CSNK2A2IP: variants seen among roughly 807,000 people sequenced by gnomAD.
The protein encoded by CSNK2A2IP is casein kinase II subunit alpha'-interacting protein.
the CSNK2A2IP span, among the ~76,000 whole-genome samples, chr3:88,411,876 G>C: frequency 6.6e-6 from 1 of 150,758 alleles, no homozygotes; most frequent in African/African-American, 2.4e-5. Flanking sequence ...AAATATTTTA[G>C]AAAGGTCAGC....
chr3:88,422,350 C>T, the CSNK2A2IP span, among the ~76,000 whole-genome samples: 3 of 152,100 alleles, frequency 2.0e-5, no homozygotes, highest in Non-Finnish European at 4.4e-5. Context: ...TGACTTACTG[C>T]TTATTATCTG....
chr3:88,376,455 C>T, the CSNK2A2IP span, among the ~76,000 whole-genome samples: 17 of 151,548 alleles, frequency 1.1e-4, no homozygotes, highest in Admixed American at 6.6e-5. Context: ...AGATCTTCAC[C>T]TATCTTCATC....
At chr3:88,422,243 A>G in the CSNK2A2IP span, among the ~76,000 whole-genome samples, 3 of 152,214 alleles carry the variant, frequency 2.0e-5, no homozygotes, top group South Asian at 2.1e-4. Context: ...AACTTCTAGG[A>G]TGGAAATGTA....
chr3:88,439,075 G>A, the CSNK2A2IP span, among the ~76,000 whole-genome samples: 3 of 152,010 alleles, frequency 2.0e-5, no homozygotes, highest in African/African-American at 4.8e-5. Context: ...AGTCCTCTCC[G>A]AGATATGACA....
the CSNK2A2IP span, among the ~76,000 whole-genome samples, chr3:88,356,385 A>T: frequency 6.6e-6 from 1 of 152,134 alleles, no homozygotes; most frequent in South Asian, 2.1e-4. Flanking sequence ...TTCACTTAGC[A>T]TAATGACCTC....
At chr3:88,363,749 G>A in the CSNK2A2IP span, among the ~76,000 whole-genome samples, 6 of 152,252 alleles carry the variant, frequency 3.9e-5, no homozygotes, top group Middle Eastern at 3.4e-3. Context: ...CTTGTTCACT[G>A]GGTTTCAGTT....
At chr3:88,466,016 C>T in the CSNK2A2IP span, 1 of 1,231,560 alleles carries the variant, frequency 8.1e-7, no homozygotes, top group Non-Finnish European at 1.0e-6. Context: ...CAATCCAAAC[C>T]TCAGAAAACA....
At chr3:88,399,200 T>C in the CSNK2A2IP span, among the ~76,000 whole-genome samples, 176 of 152,302 alleles carry the variant, frequency 1.2e-3, no homozygotes, top group Non-Finnish European at 1.4e-3. Context: ...TTTGCAAATA[T>C]TATGTTATTG....
At chr3:88,465,557 G>T in the CSNK2A2IP span, 6 of 1,231,718 alleles carry the variant, frequency 4.9e-6, no homozygotes, top group Non-Finnish European at 6.1e-6. Context: ...GTCCAGAGAT[G>T]CTCAGTATTG....
chr3:88,453,949 A>C, the CSNK2A2IP span, among the ~76,000 whole-genome samples: 437 of 152,196 alleles, frequency 2.9e-3, 2 homozygotes, highest in African/African-American at 9.8e-3. Flanking sequence ...TGGGTAAATA[A>C]AAGGAGTGGA....
the CSNK2A2IP span, among the ~76,000 whole-genome samples, chr3:88,405,215 C>T: frequency 1.3e-5 from 2 of 152,142 alleles, no homozygotes; most frequent in African/African-American, 2.4e-5. Context: ...ATACCTATCA[C>T]CATGTTCCCC....
At chr3:88,380,243 C>A in the CSNK2A2IP span, among the ~76,000 whole-genome samples, 1 of 151,888 alleles carries the variant, frequency 6.6e-6, no homozygotes, top group Non-Finnish European at 1.5e-5. Flanking sequence ...AGGTAAATCA[C>A]TCCATTTAGG....
chr3:88,370,116 AAGG>A, the CSNK2A2IP span, among the ~76,000 whole-genome samples: 28 of 151,938 alleles, frequency 1.8e-4, no homozygotes, highest in African/African-American at 6.5e-4. Context: ...ATGAAGAAGA[AAGG>A]AGATTTCAGA....
the CSNK2A2IP span, among the ~76,000 whole-genome samples, chr3:88,402,576 AC>A: frequency 6.6e-6 from 1 of 152,092 alleles, no homozygotes; most frequent in Non-Finnish European, 1.5e-5. Context: ...GAAAATCAAT[AC>A]AAAAATGTTG....
At chr3:88,350,149 T>G in the CSNK2A2IP span, among the ~76,000 whole-genome samples, 1 of 152,084 alleles carries the variant, frequency 6.6e-6, no homozygotes, top group Non-Finnish European at 1.5e-5. Flanking sequence ...ACATGTATGT[T>G]TACCCTCTCC....
the CSNK2A2IP span, among the ~76,000 whole-genome samples, chr3:88,389,653 A>C: frequency 6.6e-6 from 1 of 152,176 alleles, no homozygotes; most frequent in African/African-American, 2.4e-5. Context: ...GCATAGATGA[A>C]ATAATCCAGG....
At chr3:88,399,230 T>G in the CSNK2A2IP span, among the ~76,000 whole-genome samples, 1 of 152,164 alleles carries the variant, frequency 6.6e-6, no homozygotes, top group Non-Finnish European at 1.5e-5. Context: ...TTACGAAAGA[T>G]TTTATTATTT....
At chr3:88,425,969 T>A in the CSNK2A2IP span, among the ~76,000 whole-genome samples, 1 of 152,216 alleles carries the variant, frequency 6.6e-6, no homozygotes. Context: ...ATTCATTTAT[T>A]CTACATACAT....
At chr3:88,451,290 G>A in the CSNK2A2IP span, among the ~76,000 whole-genome samples, 1 of 152,044 alleles carries the variant, frequency 6.6e-6, no homozygotes, top group Non-Finnish European at 1.5e-5. Flanking sequence ...TCAGTTATAT[G>A]TGAAATTATA....
Sources: gnomAD v4.1 joint callset for allele counts (sites outside exome capture counted in the v4.1 genomes callset) on GRCh38, gnomAD v4.1.1 for gene constraint, MANE v1.5 for transcripts, NCBI Gene and HGNC (gene_info 2026-07-23, HGNC 2026-07-21) for gene names.